The following NSF variants were observed in gnomAD, a reference collection of about 807,000 sequenced individuals.
The protein encoded by NSF is N-ethylmaleimide sensitive factor, vesicle fusing ATPase.
NSF carries 14 observed loss-of-function variants against 50.3 expected under a neutral mutation model. The ratio of observed to expected loss-of-function variants is 0.28; its 90% CI spans 0.18 to 0.44. The LOEUF is 0.44. NSF is among the 20% of genes least tolerant of loss of function. The pLI is 1.00. For missense variants in NSF, 218 were observed against 504.3 expected (o/e 0.43, Z 5.44); for synonymous variants, 109 against 175.7 (o/e 0.62, Z 3.00).
chr17:46,739,314 C>G (rs1033774935), intron 17 of NSF, among the ~76,000 whole-genome samples: 2 of 137,652 alleles, frequency 1.5e-5, no homozygotes, highest in Admixed American at 8.3e-5. Flanking sequence ...GAGGTTGCAG[C>G]GAGCCGAGAT....
intron 9 of NSF, among the ~76,000 whole-genome samples, chr17:46,676,188 G>A (rs2058403704): frequency 6.8e-6 from 1 of 146,572 alleles, no homozygotes; most frequent in Non-Finnish European, 1.5e-5. Flanking sequence ...TAACTGCCTG[G>A]GTTCTGGAAT....
At chr17:46,747,926 T>C (rs1348268084) in intron 17 of NSF, among the ~76,000 whole-genome samples, 1 of 152,118 alleles carries the variant, frequency 6.6e-6, no homozygotes, top group African/African-American at 2.4e-5. Flanking sequence ...AAAATGAGTA[T>C]AGAAAGAACC....
chr17:46,723,075 T>C (rs2058849068), intron 15 of NSF, among the ~76,000 whole-genome samples: 1 of 152,208 alleles, frequency 6.6e-6, no homozygotes, highest in African/African-American at 2.4e-5. Flanking sequence ...TTACAGTGTC[T>C]GAGATAAGTT....
intron 17 of NSF, among the ~76,000 whole-genome samples, chr17:46,735,555 C>A (rs2058994082): frequency 6.6e-6 from 1 of 151,762 alleles, no homozygotes; most frequent in South Asian, 2.1e-4. Flanking sequence ...GTGTCTATTT[C>A]TTCATCTGTA....
intron 17 of NSF, among the ~76,000 whole-genome samples, chr17:46,736,498 T>C (rs2059006468): frequency 1.3e-5 from 2 of 152,352 alleles, no homozygotes; most frequent in Admixed American, 6.5e-5. Flanking sequence ...CTCCCTCTAC[T>C]CCTTACCCTG....
chr17:46,687,629 G>T (rs1324464292), intron 9 of NSF, among the ~76,000 whole-genome samples: 1 of 151,394 alleles, frequency 6.6e-6, no homozygotes, highest in Non-Finnish European at 1.5e-5. Flanking sequence ...CCTTCCAAGT[G>T]CATACTCCTT....
chr17:46,676,162 A>G (rs966421140), intron 9 of NSF, among the ~76,000 whole-genome samples: 2 of 144,352 alleles, frequency 1.4e-5, no homozygotes, highest in Admixed American at 6.9e-5. Flanking sequence ...CCACAGGGAA[A>G]TTAACAAAAA....
intron 13 of NSF, among the ~76,000 whole-genome samples, chr17:46,707,450 A>G (rs1358624547): frequency 6.6e-6 from 1 of 152,118 alleles, no homozygotes; most frequent in South Asian, 2.1e-4. Context: ...GTATATTCAT[A>G]ATGTTGTATA....
intron 15 of NSF, among the ~76,000 whole-genome samples, chr17:46,725,937 CT>C (rs1236208600): frequency 6.6e-6 from 1 of 152,204 alleles, no homozygotes; most frequent in African/African-American, 2.4e-5. Flanking sequence ...TTACTACATC[CT>C]TGCCAGGCTA....
At chr17:46,714,828 G>A (rs538136951) in intron 15 of NSF, among the ~76,000 whole-genome samples, 1 of 152,144 alleles carries the variant, frequency 6.6e-6, no homozygotes, top group South Asian at 2.1e-4. Flanking sequence ...TGAACTGACC[G>A]TAAGTCCAAG....
intron 15 of NSF, chr17:46,722,269 A>G (rs2058839636): frequency 3.1e-6 from 3 of 957,056 alleles, no homozygotes; most frequent in Non-Finnish European, 5.0e-6. Flanking sequence ...TTTTGGGGGG[A>G]GTCTGTAAGA....
At chr17:46,749,671 C>A in intron 17 of NSF, 102 bp from the exon 18 acceptor site, 1 of 1,120,354 alleles carries the variant, frequency 8.9e-7, no homozygotes, top group Non-Finnish European at 1.2e-6. Context: ...TTTGCATCGG[C>A]AAGATTAAAT....
At chr17:46,739,213 A>T (rs1208445623) in intron 17 of NSF, among the ~76,000 whole-genome samples, 8 of 152,110 alleles carry the variant, frequency 5.3e-5, no homozygotes, top group Admixed American at 5.2e-4. Context: ...TCTACTAAAA[A>T]TACAAAAATT....
intron 4 of NSF, among the ~76,000 whole-genome samples, chr17:46,634,889 AAC>A (rs2058167915): frequency 2.3e-5 from 1 of 43,106 alleles, no homozygotes; most frequent in African/African-American, 1.4e-4. Flanking sequence ...AATCTGTTGA[AAC>A]ACACATACTC....
intron 15 of NSF, among the ~76,000 whole-genome samples, chr17:46,718,692 G>A (rs2146276663): frequency 6.6e-6 from 1 of 152,248 alleles, no homozygotes; most frequent in East Asian, 1.9e-4. Context: ...CCTTGGATAT[G>A]TCATTTAACC....
At chr17:46,748,811 C>T (rs1568061529) in intron 17 of NSF, among the ~76,000 whole-genome samples, 1 of 152,132 alleles carries the variant, frequency 6.6e-6, no homozygotes, top group African/African-American at 2.4e-5. Flanking sequence ...ACCTGGTAAA[C>T]TAAGCAAAGG....
intron 13 of NSF, among the ~76,000 whole-genome samples, chr17:46,709,455 A>G (rs1045887908): frequency 6.6e-6 from 1 of 151,864 alleles, no homozygotes; most frequent in Non-Finnish European, 1.5e-5. Flanking sequence ...GGCTTGGAGT[A>G]TATAACTGGA....
intron 1 of NSF, among the ~76,000 whole-genome samples, chr17:46,599,029 T>A (rs1189235864): frequency 1.1e-5 from 1 of 90,314 alleles, no homozygotes; most frequent in Non-Finnish European, 2.2e-5. Context: ...TTAGATAGCT[T>A]CTTCTTTCTG....
At chr17:46,707,105 C>G (rs1192880218) in intron 13 of NSF, among the ~76,000 whole-genome samples, 2 of 152,134 alleles carry the variant, frequency 1.3e-5, no homozygotes, top group Non-Finnish European at 2.9e-5. Flanking sequence ...CCTGCCTCGG[C>G]TTTCCAAAGT....
Sources: gnomAD v4.1 joint callset for allele counts (sites outside exome capture counted in the v4.1 genomes callset) on GRCh38, gnomAD v4.1.1 for gene constraint, MANE v1.5 for transcripts, NCBI Gene and HGNC (gene_info 2026-07-23, HGNC 2026-07-21) for gene names.